Variants in ZFR observed in about 807,000 individuals in gnomAD.
ZFR encodes zinc finger RNA binding protein, also known as zinc finger RNA-binding protein.
A neutral mutation model predicts 130.7 loss-of-function variants in ZFR; 19 were observed. The observed-to-expected ratio is 0.15, with a 90% CI of 0.10 to 0.21. The LOEUF (loss-of-function observed/expected upper bound fraction) is 0.21. Ranked by LOEUF, ZFR falls within the 10% of genes least tolerant of loss-of-function variation. The pLI is 1.00. For synonymous variants in ZFR, 466 were observed against 456.9 expected, an observed-to-expected ratio of 1.02 and a Z score of -0.25; for missense variants, 872 against 1,321.5, an observed-to-expected ratio of 0.66 and a Z score of 5.27.
chr5:32,430,279 C>T (rs1235561256), intron 2 of ZFR, among the ~76,000 whole-genome samples: 2 of 151,880 alleles, frequency 1.3e-5, no homozygotes, highest in Non-Finnish European at 2.9e-5. Context: ...CAAAAACAAC[C>T]AAATGAACTT....
At chr5:32,407,145 C>T (rs1034832842) in intron 5 of ZFR, 124 bp from the exon 6 acceptor site, 23 of 870,458 alleles carry the variant, frequency 2.6e-5, no homozygotes, top group Admixed American at 1.1e-4. Context: ...TATTTACAAA[C>T]GTATATCTCA....
At chr5:32,406,232 G>A (rs1292321014) in intron 6 of ZFR, among the ~76,000 whole-genome samples, 1 of 152,100 alleles carries the variant, frequency 6.6e-6, no homozygotes, top group Non-Finnish European at 1.5e-5. Context: ...TCACTAATTG[G>A]TATTTTTGAA....
chr5:32,421,525 G>T (rs1317016032), intron 2 of ZFR, among the ~76,000 whole-genome samples: 1 of 152,188 alleles, frequency 6.6e-6, no homozygotes, highest in Non-Finnish European at 1.5e-5. Context: ...GGGAATCAAT[G>T]TGAAGGTCAG....
At position 32,417,760 on chromosome 5, in the gene ZFR, A is replaced by G. The variant is rs112159215; in HGVS notation, c.453T>C (p.Pro151=). 48 of 1,613,888 alleles carry G rather than the reference A, an allele frequency of 3.0e-5. No homozygotes were observed. The highest frequency in any genetic ancestry group is 3.8e-5 in the Non-Finnish European group (45 of 1,179,886). The stretch of plus-strand genomic sequence containing the variant: ...ATTGCTTACTATCATAAGCTACAGC[A>G]GGAGCTGTGGACCTTACATATGAGT... The part of the protein sequence containing the change: ...DSYSYVRSTA[P]AVAYDSKQYY... The change falls in exon 4 of 20, where the codon CCT becomes CCC. Residue 151 remains proline (P), a synonymous_variant. Transcript: ENST00000265069.
chr5:32,395,955 A>C (rs1288224536), intron 10 of ZFR, among the ~76,000 whole-genome samples: 4 of 152,094 alleles, frequency 2.6e-5, no homozygotes, highest in African/African-American at 9.7e-5. Context: ...CAAAAGTTAT[A>C]AGCAGCCTGG....
intron 4 of ZFR, among the ~76,000 whole-genome samples, chr5:32,415,529 C>T (rs1433064050): frequency 3.0e-4 from 43 of 144,734 alleles, no homozygotes; most frequent in Admixed American, 1.7e-3. Flanking sequence ...CGCGCGCGCG[C>T]GCGCACTAGT....
At chr5:32,389,269 T>C (rs1392078674) in intron 12 of ZFR, among the ~76,000 whole-genome samples, 1 of 152,186 alleles carries the variant, frequency 6.6e-6, no homozygotes, top group East Asian at 1.9e-4. Flanking sequence ...AGTAGTAGGT[T>C]TTGGATGGTC....
chr5:32,424,197 G>C (rs1330973176), intron 2 of ZFR, among the ~76,000 whole-genome samples: 1 of 152,192 alleles, frequency 6.6e-6, no homozygotes, highest in African/African-American at 2.4e-5. Context: ...ACTCGGCACA[G>C]AGCCAGTAGA....
intron 4 of ZFR, among the ~76,000 whole-genome samples, chr5:32,416,167 T>A (rs1753821999): frequency 1.3e-5 from 2 of 152,110 alleles, no homozygotes; most frequent in Non-Finnish European, 1.5e-5. Flanking sequence ...GAGACTAATA[T>A]CCAAGAGCTA....
At chr5:32,401,215 C>T (rs1753441584) in intron 8 of ZFR, among the ~76,000 whole-genome samples, 1 of 152,186 alleles carries the variant, frequency 6.6e-6, no homozygotes. Context: ...TCTTAAGTAT[C>T]TACAACAATC....
intron 10 of ZFR, 77 bp from the exon 11 acceptor site, chr5:32,395,381 C>T (rs1753280260): frequency 8.4e-7 from 1 of 1,196,814 alleles, no homozygotes; most frequent in Non-Finnish European, 1.1e-6. Flanking sequence ...TACAATTACA[C>T]TTATTCTTTA....
intron 5 of ZFR, among the ~76,000 whole-genome samples, chr5:32,409,551 G>A (rs1284338610): frequency 3.3e-5 from 5 of 151,744 alleles, no homozygotes; most frequent in South Asian, 2.1e-4. Context: ...GATTACAGGC[G>A]TGTACCACCA....
At chr5:32,364,337 T>TAAAATTTTAAAGACTGAA (rs1447470694) in intron 17 of ZFR, 62 bp from the exon 18 acceptor site, 1 of 1,371,860 alleles carries the variant, frequency 7.3e-7, no homozygotes, top group African/African-American at 1.5e-5. Context: ...ATTTTCAAAC[T>TAAAATTTTAAAGACTGAA]AAAATTTTAA....
chr5:32,364,231 G>C lies in ZFR; in HGVS notation c.2880C>G (p.Ser960Arg). The change falls in exon 18 of 20, where the codon AGC (serine) becomes AGG (arginine). Residue 960 changes from serine (S) to arginine (R), a missense_variant. Physicochemically the swap from Ser to Arg is moderately radical, Grantham distance 110. Coordinates refer to ENST00000265069, the MANE Select transcript of ZFR (RefSeq NM_016107.5). ...TCAGTGCATCCCCAGGGCTCTGAGG[G>C]CTAGAAGCACTGCTGATTGCTTTCT... The part of the protein sequence containing the change: ...LVEKAISSAS[S>R]PQSPGDALRR... 6.2e-7 allele frequency: 1 copy of C among 1,611,686 alleles called. No individual in the cohort carries two copies. The highest frequency in any genetic ancestry group is 8.5e-7 in the Non-Finnish European group (1 of 1,178,250).
At chr5:32,444,045 C>A (rs1441149666) in intron 2 of ZFR, among the ~76,000 whole-genome samples, 184 bp downstream of exon 2, 1 of 141,222 alleles carries the variant, frequency 7.1e-6, no homozygotes, top group Non-Finnish European at 1.6e-5. Flanking sequence ...GCGGGCCGGG[C>A]CGGGCCGGGC....
At chr5:32,369,484 TTAAAAC>T (rs1752613593) in intron 17 of ZFR, among the ~76,000 whole-genome samples, 1 of 122,398 alleles carries the variant, frequency 8.2e-6, no homozygotes, top group Admixed American at 7.7e-5. Flanking sequence ...ATATCATTCT[TTAAAAC>T]AAAACAAAAC....
At chr5:32,428,184 T>C (rs111629508) in intron 2 of ZFR, among the ~76,000 whole-genome samples, 18 of 152,220 alleles carry the variant, frequency 1.2e-4, no homozygotes, top group African/African-American at 4.3e-4. Flanking sequence ...GAGGCCGAGG[T>C]GGGCAGATCA....
intron 2 of ZFR, among the ~76,000 whole-genome samples, chr5:32,435,896 A>G (rs112664795): frequency 1.3e-5 from 2 of 152,128 alleles, no homozygotes; most frequent in Non-Finnish European, 2.9e-5. Flanking sequence ...TTTAAGCAAA[A>G]TTTTATGCTA....
At chr5:32,429,987 G>A (rs1433269478) in intron 2 of ZFR, among the ~76,000 whole-genome samples, 1 of 150,908 alleles carries the variant, frequency 6.6e-6, no homozygotes, top group African/African-American at 2.4e-5. Flanking sequence ...GAACCCAGGA[G>A]GTTGAGGCTG....
Sources: gnomAD v4.1 joint callset for allele counts (sites outside exome capture counted in the v4.1 genomes callset) on GRCh38, gnomAD v4.1.1 for gene constraint, MANE v1.5 for transcripts, NCBI Gene and HGNC (gene_info 2026-07-23, HGNC 2026-07-21) for gene names.